The following PCDHA2 variants were observed in gnomAD, a reference collection of about 807,000 sequenced individuals.
PCDHA2 encodes the protein protocadherin alpha-2.
Under a neutral mutation model 66.0 loss-of-function variants are expected in PCDHA2, and 58 were observed. That is an observed-to-expected ratio of 0.88 (90% CI 0.71 to 1.09). The LOEUF is 1.09. Among genes scored for constraint, PCDHA2 ranks in the 50% least tolerant of loss-of-function variants. The probability of loss-of-function intolerance (pLI) is 0.00; values close to 1 mark genes in which losing one functional copy is unlikely to be tolerated. For missense variants in PCDHA2, 1,267 were observed against 1,242.3 expected, an observed-to-expected ratio of 1.02 and a Z score of -0.30; for synonymous variants, 634 against 554.0, an observed-to-expected ratio of 1.14 and a Z score of -2.03.
intron 1 of PCDHA2, chr5:140,968,796 C>G (rs2096270881): frequency 6.2e-7 from 1 of 1,614,220 alleles, no homozygotes; most frequent in East Asian, 2.2e-5. Context: ...GTGGCCATTA[C>G]AGTAGCTGTG....
chr5:140,998,438 A>T (rs114296649), intron 3 of PCDHA2, among the ~76,000 whole-genome samples: 1,585 of 152,188 alleles, frequency 0.01, 12 homozygotes, highest in Middle Eastern at 0.058. Flanking sequence ...TAACACTATT[A>T]TTGTATTTAT....
At chr5:140,838,280 A>ATTTTTTT (rs2150286950) in intron 1 of PCDHA2, among the ~76,000 whole-genome samples, 30 of 139,570 alleles carry the variant, frequency 2.1e-4, no homozygotes, top group African/African-American at 6.5e-4. Context: ...AGCCATGCTA[A>ATTTTTTT]TTTTTTTTTT....
At chr5:140,845,144 C>T (rs2150376784) in intron 1 of PCDHA2, among the ~76,000 whole-genome samples, 2 of 149,524 alleles carry the variant, frequency 1.3e-5, no homozygotes, top group Non-Finnish European at 3.0e-5. Context: ...TATTTGAACA[C>T]ATTGTGTAAA....
At chr5:140,807,268 G>T (rs557517265) in intron 1 of PCDHA2, 1 of 1,614,224 alleles carries the variant, frequency 6.2e-7, no homozygotes, top group Non-Finnish European at 8.5e-7. Flanking sequence ...GGGAGGCAGG[G>T]AACGGTCAGC....
chr5:140,883,852 G>A (rs1554180292), intron 1 of PCDHA2: 1 of 1,612,972 alleles, frequency 6.2e-7, no homozygotes. Flanking sequence ...ACGAGGAGCT[G>A]GAGCTGTTGC....
chr5:140,945,539 A>G (rs1233256432), intron 1 of PCDHA2, among the ~76,000 whole-genome samples: 1 of 152,052 alleles, frequency 6.6e-6, no homozygotes, highest in Non-Finnish European at 1.5e-5. Flanking sequence ...AAACATACAA[A>G]CAAAAAAATG....
At chr5:140,992,261 G>A (rs1056414788) in intron 3 of PCDHA2, among the ~76,000 whole-genome samples, 1 of 152,172 alleles carries the variant, frequency 6.6e-6, no homozygotes, top group Non-Finnish European at 1.5e-5. Context: ...AAAGATGAAA[G>A]TTCTTTTCGT....
Position 140,807,076 on chromosome 5 carries a change from T to A in PCDHA2, c.2388+9724T>A, listed in dbSNP as rs1013702892. The A allele has an allele frequency of 4.0e-6, 5 of 1,236,742 alleles. No homozygotes were observed. The African/African-American group carries it at 7.5e-5, about 19-fold the overall frequency. 76.6% of individuals were successfully genotyped at this position (1,236,742 alleles called of 1,614,324 possible). ...TCTTACTGGAAGGAACCATATACAC[T>A]CTTTGGAGTCTGAAATATGGAGGAT... On this transcript the variant is annotated intron_variant, in intron 1 of 3. Coordinates refer to ENST00000526136, the MANE Select transcript of PCDHA2 (RefSeq NM_018905.3).
chr5:140,841,640 G>T, intron 1 of PCDHA2: 1 of 1,614,170 alleles, frequency 6.2e-7, no homozygotes, highest in Non-Finnish European at 8.5e-7. Context: ...CATCCACCTG[G>T]AGGTGATCGT....
At chr5:140,945,125 T>G (rs405192) in intron 1 of PCDHA2, among the ~76,000 whole-genome samples, 86,337 of 151,830 alleles carry the variant, frequency 0.57, 25,231 homozygotes, top group African/African-American at 0.71. Flanking sequence ...AAAAATCAAC[T>G]TACAAAAATC....
In PCDHA2 at chr5:140,883,010, A is replaced by G. The variant is rs149814661; in HGVS notation, c.2388+85658A>G. 9.8e-4 allele frequency: 1,586 copies of G among 1,614,156 alleles called. 2 individuals carry two copies. The highest frequency in any genetic ancestry group is 1.3e-3 in the Non-Finnish European group (1,478 of 1,180,036). ...CCCGGAATTTTACCAATCCGTTTAT[A>G]AAGTGACGGTGTTAGAGAACGCCTT... On this transcript the variant is annotated intron_variant, in intron 1 of 3. Coordinates refer to ENST00000526136, the MANE Select transcript of PCDHA2 (RefSeq NM_018905.3).
chr5:140,892,304 G>A (rs1301333753), intron 1 of PCDHA2, among the ~76,000 whole-genome samples: 1 of 152,004 alleles, frequency 6.6e-6, no homozygotes, highest in East Asian at 1.9e-4. Context: ...AAATAATTTG[G>A]GGCTTATAAC....
rs2150126889 is a variant in PCDHA2, at chr5:140,823,558, G to T, written c.2388+26206G>T. 6.2e-5 allele frequency: 100 copies of T among 1,613,898 alleles called. No individual in the cohort carries two copies. In the East Asian group the frequency reaches 1.9e-3, roughly 30 times the overall value. On this transcript the variant is annotated intron_variant, in intron 1 of 3. Transcript: ENST00000526136. ...GGGCCACGTGGTGGCGAAGGTGCGCGCAGTGGACCCTGATTCGGGCTACAA... is the reference window on the plus strand; with the variant it reads ...GGGCCACGTGGTGGCGAAGGTGCGCTCAGTGGACCCTGATTCGGGCTACAA...
At chr5:140,809,579 G>A (rs782533943) in intron 1 of PCDHA2, 2 of 1,559,178 alleles carry the variant, frequency 1.3e-6, no homozygotes, top group South Asian at 2.4e-5. Flanking sequence ...AAAGGTTAGT[G>A]TATAACATCC....
chr5:140,940,774 G>T (rs1554213602), intron 1 of PCDHA2, among the ~76,000 whole-genome samples: 4 of 151,994 alleles, frequency 2.6e-5, no homozygotes, highest in African/African-American at 7.3e-5. Context: ...GACTTTTGAT[G>T]GTCCATATCC....
chr5:140,885,207 T>C (rs1405388039), intron 1 of PCDHA2, among the ~76,000 whole-genome samples: 1 of 152,140 alleles, frequency 6.6e-6, no homozygotes, highest in Admixed American at 6.5e-5. Context: ...ATATATCCCA[T>C]GAAAAATATC....
chr5:140,950,865 T>C (rs1419138561), intron 1 of PCDHA2, among the ~76,000 whole-genome samples: 1 of 152,098 alleles, frequency 6.6e-6, no homozygotes, highest in Non-Finnish European at 1.5e-5. Context: ...TTCTTGTATA[T>C]TCTATATTGT....
At chr5:140,928,240 C>G (rs1174659124) in intron 1 of PCDHA2, 1 of 1,614,108 alleles carries the variant, frequency 6.2e-7, no homozygotes, top group Non-Finnish European at 8.5e-7. Flanking sequence ...TCAACCCCAG[C>G]AGGAACTTTT....
At chr5:140,856,271 G>A (rs782472888) in intron 1 of PCDHA2, 1 of 1,598,148 alleles carries the variant, frequency 6.3e-7, no homozygotes, top group Admixed American at 1.7e-5. Flanking sequence ...GGACCTTCTG[G>A]AGGTAAATCT....
Sources: gnomAD v4.1 joint callset for allele counts (sites outside exome capture counted in the v4.1 genomes callset) on GRCh38, gnomAD v4.1.1 for gene constraint, MANE v1.5 for transcripts, NCBI Gene and HGNC (gene_info 2026-07-23, HGNC 2026-07-21) for gene names.